ATP6V0A2: variants seen among roughly 807,000 people sequenced by gnomAD.
The protein encoded by ATP6V0A2 is V-type proton ATPase 116 kDa subunit a 2.
In ATP6V0A2, 58 loss-of-function variants were observed where a neutral mutation model predicts 104.4. The observed-to-expected ratio is 0.56, with a 90% CI of 0.45 to 0.69. ATP6V0A2 has a LOEUF of 0.69. Among genes scored for constraint, ATP6V0A2 ranks in the 30% least tolerant of loss-of-function variants. The probability of loss-of-function intolerance (pLI) is 0.00; values close to 1 mark genes in which losing one functional copy is unlikely to be tolerated. For missense variants in ATP6V0A2, 938 were observed against 1,062.9 expected (o/e 0.88, Z 1.63); for synonymous variants, 376 against 397.9 (o/e 0.95, Z 0.65).
At chr12:123,718,021 C>T (rs140421286) in intron 1 of ATP6V0A2, among the ~76,000 whole-genome samples, 153 of 151,874 alleles carry the variant, frequency 1.0e-3, no homozygotes, top group African/African-American at 3.6e-3. Context: ...GCCTCTCGGG[C>T]TCAAGCAATT....
intron 9 of ATP6V0A2, 49 bp from the exon 10 acceptor site, chr12:123,743,736 A>T (rs1956631455): frequency 1.2e-6 from 2 of 1,606,694 alleles, no homozygotes; most frequent in African/African-American, 2.7e-5. Flanking sequence ...ATGGATAGTT[A>T]TTTTCTTCTT....
chr12:123,744,702 C>G lies in ATP6V0A2; in HGVS notation c.1432C>G (p.Leu478Val), dbSNP rs1193899105. Residue 478 changes from leucine to valine, a missense_variant, in exon 12 of 20, where the codon CTG becomes GTG. Transcript: ENST00000330342. The surrounding 1 kb of genome is among the most constrained non-coding windows in gnomAD (Gnocchi z 5.4). Reference protein sequence around the residue: ...YNDCFSKSVNLFGSGWNVSAM... With the variant: ...YNDCFSKSVNVFGSGWNVSAM... ...CGACTGCTTTTCAAAGTCAGTCAACCTGTTCGGCTCTGGGTGGAACGTGTC... is the reference window on the plus strand; with the variant it reads ...CGACTGCTTTTCAAAGTCAGTCAACGTGTTCGGCTCTGGGTGGAACGTGTC... 1 of 1,614,070 alleles carries G rather than the reference C, an allele frequency of 6.2e-7. No individual in the cohort carries two copies. The highest frequency in any genetic ancestry group is 1.7e-5 in the Admixed American group (1 of 60,004).
At chr12:123,737,503 C>A (rs1238620409) in intron 9 of ATP6V0A2, 6 of 500,556 alleles carry the variant, frequency 1.2e-5, no homozygotes, top group Non-Finnish European at 1.8e-5. Flanking sequence ...CCTGCCTCAG[C>A]CTCCCAAAGT....
intron 2 of ATP6V0A2, 151 bp from the exon 3 acceptor site, chr12:123,722,200 G>A: frequency 1.5e-6 from 1 of 671,242 alleles, no homozygotes; most frequent in Non-Finnish European, 2.7e-6. Flanking sequence ...TGCAAAAAGT[G>A]ACCAGTAAGT....
intron 18 of ATP6V0A2, 53 bp downstream of exon 18, chr12:123,754,590 T>A (rs1956746236): frequency 8.0e-7 from 1 of 1,257,746 alleles, no homozygotes; most frequent in South Asian, 1.2e-5. Flanking sequence ...GCCAGCAGAC[T>A]CAGGGGGCAC....
At chr12:123,718,743 TA>T (rs1657838580) in intron 2 of ATP6V0A2, 42 bp downstream of exon 2, 2 of 1,394,880 alleles carry the variant, frequency 1.4e-6, no homozygotes, top group Admixed American at 1.7e-5. Context: ...TAATTACCTT[TA>T]TATAGGCAAA....
At chr12:123,727,566 T>C (rs1593893739) in intron 5 of ATP6V0A2, among the ~76,000 whole-genome samples, 1 of 152,178 alleles carries the variant, frequency 6.6e-6, no homozygotes, top group East Asian at 1.9e-4. Flanking sequence ...CATGAGCCAC[T>C]GTGCCCAGCC....
chr12:123,749,675 C>T (rs1270069913), intron 15 of ATP6V0A2, among the ~76,000 whole-genome samples: 2 of 152,238 alleles, frequency 1.3e-5, no homozygotes, highest in African/African-American at 4.8e-5. Context: ...ATAGTTCTTA[C>T]CCACCTTACA....
At position 123,759,638 on chromosome 12, in the gene ATP6V0A2, T is replaced by A. The variant is rs1956792125; in HGVS notation, c.*1606T>A. On this transcript the variant is annotated 3_prime_UTR_variant, in exon 20 of 20. Transcript: ENST00000330342. ...GTTAAAAGGCTATTTGCCCGCATCC[T>A]CCTCTATCCTGTTTCGAGGTAGAGA... is the stretch of plus-strand genomic sequence containing the variant. 2 of 152,246 alleles carry A rather than the reference T, an allele frequency of 1.3e-5. No individual in the cohort carries two copies. The highest frequency in any genetic ancestry group is 4.8e-5 in the African/African-American group (2 of 41,466). The allele number at this position is 152,246 out of a possible 1,614,324, so 9.4% of individuals were successfully genotyped here. A position where few individuals can be genotyped will look rare whatever the true frequency, so the allele number is the denominator to read the frequency against.
chr12:123,712,825 C>A, intron 1 of ATP6V0A2, 143 bp downstream of exon 1: 1 of 801,080 alleles, frequency 1.2e-6, no homozygotes, highest in South Asian at 1.5e-5. Context: ...GACACCCCAG[C>A]TCAGCGGCCA....
chr12:123,730,118 G>A (rs1230819054), intron 6 of ATP6V0A2, among the ~76,000 whole-genome samples: 2 of 142,902 alleles, frequency 1.4e-5, no homozygotes, highest in Non-Finnish European at 3.0e-5. Context: ...GCAGTGGCGC[G>A]ATCTCGGCTC....
chr12:123,735,917 G>A (rs1354702781), intron 8 of ATP6V0A2, among the ~76,000 whole-genome samples: 1 of 152,154 alleles, frequency 6.6e-6, no homozygotes, highest in East Asian at 1.9e-4. Context: ...TGTCGCCCAG[G>A]CTTGGAGTGC....
In ATP6V0A2 at chr12:123,720,747, C is replaced by T. The variant is rs150707120; in HGVS notation, c.197-1604C>T. On this transcript the variant is annotated intron_variant, in intron 2 of 19. Coordinates refer to ENST00000330342, the MANE Select transcript of ATP6V0A2 (RefSeq NM_012463.4). ...GACCTCTCAAGGAAATTTAGGTGTA[C>T]GCCAGGCATGGTGGTGCACATACCT... 2.2e-4 allele frequency among the ~76,000 whole-genome samples: 33 copies of T among 151,842 alleles called. No individual in the cohort carries two copies. In the East Asian group the frequency reaches 3.9e-3, roughly 18 times the overall value.
chr12:123,713,459 C>T (rs181026063), intron 1 of ATP6V0A2, among the ~76,000 whole-genome samples: 6 of 152,168 alleles, frequency 3.9e-5, no homozygotes, highest in African/African-American at 1.4e-4. Flanking sequence ...GGACTGTCAA[C>T]CTCTGAGAGT....
At chr12:123,736,882 T>C (rs959864724) in intron 8 of ATP6V0A2, among the ~76,000 whole-genome samples, 177 bp from the exon 9 acceptor site, 1 of 151,868 alleles carries the variant, frequency 6.6e-6, no homozygotes, top group African/African-American at 2.4e-5. Context: ...CACCTCCGAG[T>C]GGTACTAGGG....
chr12:123,724,843 T>A (rs1555296449), intron 4 of ATP6V0A2, 52 bp downstream of exon 4: 1 of 1,547,232 alleles, frequency 6.5e-7, no homozygotes, highest in Non-Finnish European at 8.9e-7. Flanking sequence ...CAGCTTTTTA[T>A]AAAAATCTCA....
chr12:123,758,215 T>C lies in ATP6V0A2; in HGVS notation c.*183T>C. The C allele has an allele frequency of 2.1e-6, 1 of 470,856 alleles. No individual in the cohort carries two copies. The highest frequency in any genetic ancestry group is 3.7e-6 in the Non-Finnish European group (1 of 269,312). The allele number at this position is 470,856 out of a possible 1,614,324, so 29.2% of individuals were successfully genotyped here. The stretch of plus-strand genomic sequence containing the variant: ...TAAATATTTTGTAAAGTTTACCAAT[T>C]TGAGATATAAAAATTTCTTTTGGTT... On this transcript the variant is annotated 3_prime_UTR_variant, in exon 20 of 20. Transcript: ENST00000330342.
In ATP6V0A2 at chr12:123,748,736, A is replaced by G. The variant is rs762135606; in HGVS notation, c.1886A>G (p.Asn629Ser). 1 of 1,614,202 alleles carries G rather than the reference A, an allele frequency of 6.2e-7. No individual in the cohort carries two copies. Among genetic ancestry groups the G allele is most frequent in the Non-Finnish European group, 8.5e-7 (1 of 1,180,034 alleles). ...VAPSILIEFI[N>S]MFLFPASKTS... is the part of the protein sequence containing the mutation. ...CCCAGCATTCTGATTGAATTTATTA[A>G]CATGTTTTTATTCCCAGCCAGTAAA... The change falls in exon 15 of 20, where the codon AAC becomes AGC. Residue 629 changes from asparagine to serine, a missense_variant. Transcript: ENST00000330342.
At chr12:123,726,320 C>T (rs925447057) in intron 5 of ATP6V0A2, 35 bp downstream of exon 5, 2 of 1,485,474 alleles carry the variant, frequency 1.3e-6, no homozygotes, top group Middle Eastern at 1.7e-4. Context: ...AGGCTTCATA[C>T]TGCCCTTCTT....
Sources: allele counts gnomAD v4.1 joint callset (sites outside exome capture counted in the v4.1 genomes callset), GRCh38; gene constraint gnomAD v4.1.1; non-coding constraint Gnocchi (gnomAD v3.1); transcripts MANE v1.5; gene names NCBI Gene and HGNC (gene_info 2026-07-23, HGNC 2026-07-21).